The following GAREM1 variants were observed in gnomAD, a reference collection of about 807,000 sequenced individuals.
The protein encoded by GAREM1 is GRB2 associated regulator of MAPK1 subtype 1.
Under a neutral mutation model 71.3 loss-of-function variants are expected in GAREM1, and 26 were observed. The ratio of observed to expected loss-of-function variants is 0.36; its 90% CI spans 0.27 to 0.51. The LOEUF is 0.51. Among genes scored for constraint, GAREM1 ranks in the 20% least tolerant of loss-of-function variants. The pLI, the probability that GAREM1 is intolerant of heterozygous loss-of-function variation, is 0.95. For synonymous variants in GAREM1, 440 were observed against 433.2 expected (o/e 1.02, Z -0.20); for missense variants, 1,026 against 1,103.1 (o/e 0.93, Z 0.99).
chr18:32,289,396 T>G (rs1023483450), intron 3 of GAREM1, among the ~76,000 whole-genome samples: 1 of 152,208 alleles, frequency 6.6e-6, no homozygotes, highest in Non-Finnish European at 1.5e-5. Context: ...AGGTAAAGCA[T>G]GCATGCTGAA....
chr18:32,427,608 T>G (rs970133275), intron 1 of GAREM1, among the ~76,000 whole-genome samples: 7 of 152,114 alleles, frequency 4.6e-5, no homozygotes, highest in African/African-American at 1.7e-4. Context: ...TCATTAAAAT[T>G]TTTCCTCCAA....
chr18:32,344,417 C>A (rs1282395349), intron 2 of GAREM1, among the ~76,000 whole-genome samples: 1 of 152,148 alleles, frequency 6.6e-6, no homozygotes, highest in African/African-American at 2.4e-5. Flanking sequence ...ATGTGGACAA[C>A]TGGGACATGT....
intron 3 of GAREM1, chr18:32,290,371 T>C (rs1345513934): frequency 6.6e-6 from 1 of 152,020 alleles, no homozygotes; most frequent in Non-Finnish European, 1.5e-5. Context: ...ACTGAAGATA[T>C]CTGCAAAACA....
chr18:32,373,895 T>A (rs2048010046), intron 2 of GAREM1, among the ~76,000 whole-genome samples: 1 of 152,236 alleles, frequency 6.6e-6, no homozygotes, highest in Non-Finnish European at 1.5e-5. Context: ...ATGAACACAC[T>A]GGTATCCACC....
At chr18:32,404,886 A>T (rs1321743544) in intron 1 of GAREM1, among the ~76,000 whole-genome samples, 6 of 152,230 alleles carry the variant, frequency 3.9e-5, no homozygotes, top group Non-Finnish European at 8.8e-5. Context: ...AGATTGGCTG[A>T]ACTTGATATT....
chr18:32,365,116 T>A (rs1386925800), intron 2 of GAREM1, among the ~76,000 whole-genome samples: 2 of 152,166 alleles, frequency 1.3e-5, no homozygotes, highest in African/African-American at 4.8e-5. Context: ...GGAATTTTTT[T>A]AAATGAGCGG....
chr18:32,346,035 A>C (rs937672103), intron 2 of GAREM1, among the ~76,000 whole-genome samples: 3 of 152,202 alleles, frequency 2.0e-5, no homozygotes, highest in African/African-American at 7.2e-5. Flanking sequence ...CACTAAACTC[A>C]GTCTTAACTA....
rs1422949447 is a variant in GAREM1, at chr18:32,462,284, C to T, written c.121+8024G>A. ...AGGTTCCCTTTTCTCCACATCCTTG[C>T]CAACACTTTTGTCTTTTTGCCATTC... On this transcript the variant is annotated intron_variant, in intron 1 of 5. Transcript: ENST00000269209. Among the ~76,000 whole-genome samples the T allele has an allele frequency of 2.0e-5, 3 of 152,212 alleles. No individual in the cohort carries two copies. The East Asian group carries it at 5.8e-4, about 29-fold the overall frequency.
At chr18:32,306,464 C>CG (rs1033063787) in intron 3 of GAREM1, among the ~76,000 whole-genome samples, 1 of 138,424 alleles carries the variant, frequency 7.2e-6, no homozygotes, top group African/African-American at 2.9e-5. Flanking sequence ...TTAGCAGCAA[C>CG]CCCCCCCACC....
At position 32,266,504 on chromosome 18, in the gene GAREM1, A is replaced by G. The variant is rs1484282212; in HGVS notation, c.*1367T>C. ...GAGAACTAATACAGTCTTAAGATGT[A>G]TATTCTCTAAAAAAGTCAAGAATAA... is the stretch of plus-strand genomic sequence containing the variant. On this transcript the variant is annotated 3_prime_UTR_variant, in exon 6 of 6. Coordinates refer to ENST00000269209, the MANE Select transcript of GAREM1 (RefSeq NM_001242409.2). 6.6e-6 allele frequency: 1 copy of G among 152,208 alleles called. No individual in the cohort carries two copies. The highest frequency in any genetic ancestry group is 1.9e-4 in the East Asian group (1 of 5,198). 9.4% of individuals were successfully genotyped at this position (152,208 alleles called of 1,614,324 possible).
intron 1 of GAREM1, among the ~76,000 whole-genome samples, chr18:32,395,316 T>C (rs561307666): frequency 2.6e-5 from 4 of 152,360 alleles, no homozygotes; most frequent in South Asian, 2.1e-4. Context: ...TTCTGAGTGC[T>C]AGGCGCATAC....
At chr18:32,451,114 C>T (rs117745373) in intron 1 of GAREM1, among the ~76,000 whole-genome samples, 2,722 of 152,194 alleles carry the variant, frequency 0.018, 27 homozygotes, top group South Asian at 0.037. Flanking sequence ...GGTGCCACTG[C>T]ACTCCAGAGC....
chr18:32,291,387 G>T (rs185336060), intron 3 of GAREM1, among the ~76,000 whole-genome samples: 1 of 151,392 alleles, frequency 6.6e-6, no homozygotes, highest in Non-Finnish European at 1.5e-5. Flanking sequence ...TTACTTACTG[G>T]AGCTAGGGAC....
chr18:32,443,534 T>C (rs1434108784), intron 1 of GAREM1, among the ~76,000 whole-genome samples: 5 of 152,150 alleles, frequency 3.3e-5, no homozygotes, highest in Non-Finnish European at 7.4e-5. Flanking sequence ...CATGAGAAGA[T>C]GCTCAACATC....
Position 32,470,475 on chromosome 18 carries a change from C to G in GAREM1, c.-47G>C, listed in dbSNP as rs768985339. ...CGCGCTCCCCCGCCGCCGCCACCGG[C>G]ACCACCCGCGCCTCGGCGGCCGCCG... On this transcript the variant is annotated 5_prime_UTR_variant, in exon 1 of 6. Coordinates refer to ENST00000269209, the MANE Select transcript of GAREM1 (RefSeq NM_001242409.2). This position sits in a 1 kb window ranked among gnomAD's most constrained non-coding sequence, Gnocchi z 4.4. 2 of 1,240,976 alleles carry G rather than the reference C, an allele frequency of 1.6e-6. No homozygotes were observed. The highest frequency in any genetic ancestry group is 2.0e-6 in the Non-Finnish European group (2 of 981,382). 76.9% of individuals were successfully genotyped at this position (1,240,976 alleles called of 1,614,324 possible). A position where few individuals can be genotyped will look rare whatever the true frequency, so the allele number is the denominator to read the frequency against.
At position 32,267,782 on chromosome 18, in the gene GAREM1, A is replaced by T; in HGVS notation, c.*89T>A. ...ATCCCTATTTACAGAGAAGGTTTTTAGTGCAAAAACATGAAATTGTGTCCC... is the reference window on the plus strand; with the variant it reads ...ATCCCTATTTACAGAGAAGGTTTTTTGTGCAAAAACATGAAATTGTGTCCC... On this transcript the variant is annotated 3_prime_UTR_variant, in exon 6 of 6. Transcript: ENST00000269209. 1.9e-6 allele frequency: 2 copies of T among 1,049,084 alleles called. No individual in the cohort carries two copies. Among genetic ancestry groups the T allele is most frequent in the Non-Finnish European group, 2.8e-6 (2 of 720,268 alleles). The allele number at this position is 1,049,084 out of a possible 1,614,324, so 65.0% of individuals were successfully genotyped here. A position where few individuals can be genotyped will look rare whatever the true frequency, so the allele number is the denominator to read the frequency against.
At chr18:32,330,420 T>C (rs887054326) in intron 2 of GAREM1, among the ~76,000 whole-genome samples, 2 of 152,068 alleles carry the variant, frequency 1.3e-5, no homozygotes, top group African/African-American at 4.8e-5. Flanking sequence ...CTTACATGGG[T>C]GACAGGATCA....
At chr18:32,294,438 T>C (rs1397428035) in intron 3 of GAREM1, among the ~76,000 whole-genome samples, 1 of 152,184 alleles carries the variant, frequency 6.6e-6, no homozygotes, top group African/African-American at 2.4e-5. Context: ...AATTTAAAAA[T>C]GAAAGGTTGA....
chr18:32,405,474 A>G (rs1386157655), intron 1 of GAREM1, among the ~76,000 whole-genome samples: 1 of 152,196 alleles, frequency 6.6e-6, no homozygotes, highest in East Asian at 1.9e-4. Context: ...CTGGGATTAC[A>G]GGCTTGGGCC....
Sources: gnomAD v4.1 joint callset for allele counts (sites outside exome capture counted in the v4.1 genomes callset) on GRCh38, gnomAD v4.1.1 for gene constraint, Gnocchi (gnomAD v3.1) non-coding constraint, MANE v1.5 for transcripts, NCBI Gene and HGNC (gene_info 2026-07-23, HGNC 2026-07-21) for gene names.